NTNG2: variants seen among roughly 807,000 people sequenced by gnomAD.
The protein encoded by NTNG2 is netrin G2.
A neutral mutation model predicts 47.6 loss-of-function variants in NTNG2; 15 were observed. The observed-to-expected ratio is 0.32, with a 90% confidence interval of 0.21 to 0.49. NTNG2 has a LOEUF of 0.49. Among genes scored for constraint, NTNG2 ranks in the 20% least tolerant of loss-of-function variants. NTNG2 has a pLI of 0.99. For synonymous variants in NTNG2, 307 were observed against 324.6 expected (o/e 0.95, Z 0.58); for missense variants, 578 against 764.6 (o/e 0.76, Z 2.88).
intron 4 of NTNG2, among the ~76,000 whole-genome samples, chr9:132,228,070 G>T (rs1023422053): frequency 3.3e-5 from 5 of 152,256 alleles, no homozygotes; most frequent in African/African-American, 4.8e-5. Context: ...GCCCTCCCAG[G>T]TTTCACAGTG....
intron 2 of NTNG2, among the ~76,000 whole-genome samples, chr9:132,176,976 T>C (rs1589382225): frequency 6.6e-6 from 1 of 152,310 alleles, no homozygotes; most frequent in East Asian, 1.9e-4. Context: ...CTTAGTCATT[T>C]TTTTGTTTTT....
intron 7 of NTNG2, 96 bp from the exon 8 acceptor site, chr9:132,241,780 C>T: frequency 4.5e-6 from 4 of 897,308 alleles, no homozygotes; most frequent in Non-Finnish European, 6.4e-6. Flanking sequence ...GCCCAGACGG[C>T]GCCCCCGGGA....
intron 2 of NTNG2, among the ~76,000 whole-genome samples, chr9:132,195,620 C>T (rs1838251174): frequency 6.6e-6 from 1 of 151,678 alleles, no homozygotes; most frequent in African/African-American, 2.4e-5. Context: ...AGCCACCGCG[C>T]CTGGCCTTTG....
chr9:132,169,155 G>A (rs1564379326), intron 2 of NTNG2, among the ~76,000 whole-genome samples: 1 of 152,236 alleles, frequency 6.6e-6, no homozygotes, highest in African/African-American at 2.4e-5. Flanking sequence ...AGGTGGGGAA[G>A]GCAGGGGAGA....
intron 2 of NTNG2, among the ~76,000 whole-genome samples, chr9:132,178,313 C>T (rs1471120476): frequency 1.3e-5 from 2 of 152,168 alleles, no homozygotes; most frequent in African/African-American, 4.8e-5. Context: ...ACCTCCTCAG[C>T]CTCCAGTCCA....
chr9:132,242,915 A>C lies in NTNG2; in HGVS notation c.*804A>C, dbSNP rs1842070513. On this transcript the variant is annotated 3_prime_UTR_variant, in exon 8 of 8. Coordinates refer to ENST00000393229, the MANE Select transcript of NTNG2 (RefSeq NM_032536.4). This position sits in a 1 kb window ranked among gnomAD's most constrained non-coding sequence, Gnocchi z 5.9. ...AGGAATCCACAACACAGCCTTAAAG[A>C]AACGGTTTCCCTACTGGGGCCACCA... The C allele has an allele frequency of 6.6e-6, 1 of 152,136 alleles. No homozygotes were observed. The highest frequency in any genetic ancestry group is 2.1e-4 in the South Asian group (1 of 4,834). The allele number at this position is 152,136 out of a possible 1,614,324, so 9.4% of individuals were successfully genotyped here. A position where few individuals can be genotyped will look rare whatever the true frequency, so the allele number is the denominator to read the frequency against.
chr9:132,221,372 G>T lies in NTNG2; in HGVS notation c.858-5477G>T, dbSNP rs1197181701. On this transcript the variant is annotated intron_variant, in intron 3 of 7. Transcript: ENST00000393229. This position sits in a 1 kb window ranked among gnomAD's most constrained non-coding sequence, Gnocchi z 4.2. ...ACATGGAGAGAGGGGCACTGAGAGA[G>T]CCAGAGAGGCCAAGAGGTCATACAC... 7.2e-5 allele frequency among the ~76,000 whole-genome samples: 11 copies of T among 152,196 alleles called. No homozygotes were observed. In the South Asian group the frequency reaches 1.7e-3, roughly 23 times the overall value.
Position 132,231,831 on chromosome 9 carries a change from C to T in NTNG2, c.1054+1236C>T, listed in dbSNP as rs973340699. 2 of 159,568 alleles carry T rather than the reference C, an allele frequency of 1.3e-5. No homozygotes were observed. The highest frequency in any genetic ancestry group is 5.9e-5 in the Admixed American group (1 of 16,816). The allele number at this position is 159,568 out of a possible 1,614,324, so 9.9% of individuals were successfully genotyped here. Reference sequence around the variant, plus strand: ...AGCGACCCCTGTCATCCCACCCTCTCCTGCTTCTAGCCTGGGTCCCTGCCT... The same window carrying T: ...AGCGACCCCTGTCATCCCACCCTCTTCTGCTTCTAGCCTGGGTCCCTGCCT... On this transcript the variant is annotated intron_variant, in intron 5 of 7. Coordinates refer to ENST00000393229, the MANE Select transcript of NTNG2 (RefSeq NM_032536.4). This position sits in a 1 kb window ranked among gnomAD's most constrained non-coding sequence, Gnocchi z 4.1.
intron 2 of NTNG2, among the ~76,000 whole-genome samples, chr9:132,170,284 T>A (rs1320603220): frequency 1.3e-5 from 2 of 152,128 alleles, no homozygotes; most frequent in African/African-American, 4.8e-5. Context: ...AAAGACAAGA[T>A]AAATGAATAA....
At chr9:132,239,411 G>T (rs2131042623) in intron 6 of NTNG2, 140 bp downstream of exon 6, 1 of 767,484 alleles carries the variant, frequency 1.3e-6, no homozygotes, top group Admixed American at 2.7e-5. Flanking sequence ...GCCCTCTCCA[G>T]TTGAGCATCT....
chr9:132,224,347 C>G (rs1840575209), intron 3 of NTNG2, among the ~76,000 whole-genome samples: 1 of 152,194 alleles, frequency 6.6e-6, no homozygotes. Context: ...AGGACTCACT[C>G]TGTGTTGGAC....
intron 2 of NTNG2, among the ~76,000 whole-genome samples, chr9:132,196,569 T>TA (rs1295086889): frequency 6.6e-6 from 1 of 152,202 alleles, no homozygotes; most frequent in Non-Finnish European, 1.5e-5. Context: ...CTCACTGTCC[T>TA]AAAAATGCCC....
intron 6 of NTNG2, among the ~76,000 whole-genome samples, chr9:132,239,677 T>C (rs1332527439): frequency 1.3e-5 from 2 of 152,104 alleles, no homozygotes; most frequent in East Asian, 3.9e-4. Context: ...TCCAGAAAGG[T>C]GGAGGAGCAG....
At chr9:132,195,474 ATTTTTTTTTTTT>A (rs56733654) in intron 2 of NTNG2, among the ~76,000 whole-genome samples, 2 of 80,118 alleles carry the variant, frequency 2.5e-5, no homozygotes, top group South Asian at 4.3e-4. Context: ...ACGCCTGGCT[ATTTTTTTTTTTT>A]TTTTTTTTTT....
chr9:132,242,005 A>G lies in NTNG2; in HGVS notation c.1487A>G (p.Asp496Gly), dbSNP rs1357962969. Residue 496 changes from aspartate to glycine, a missense_variant, in exon 8 of 8, where the codon GAT becomes GGT. Transcript: ENST00000393229. The surrounding 1 kb of genome is among the most constrained non-coding windows in gnomAD (Gnocchi z 5.9). ...CAGCCCCGCTGCGACCCCGCCGACG[A>G]TGACGGCGGTCTGGACTGCGACCGC... The part of the protein sequence containing the change: ...CEQPRCDPAD[D>G]DGGLDCDRAP... 1 of 1,473,116 alleles carries G rather than the reference A, an allele frequency of 6.8e-7. No homozygotes were observed. The highest frequency in any genetic ancestry group is 1.3e-5 in the South Asian group (1 of 78,010). 91.3% of individuals were successfully genotyped at this position (1,473,116 alleles called of 1,614,324 possible).
At chr9:132,240,583 T>C (rs920130301) in intron 6 of NTNG2, 10 of 447,834 alleles carry the variant, frequency 2.2e-5, no homozygotes, top group African/African-American at 1.8e-4. Flanking sequence ...GTCGGAGTCA[T>C]AGCTCTTTGG....
At chr9:132,223,810 A>G (rs1171791285) in intron 3 of NTNG2, among the ~76,000 whole-genome samples, 3 of 152,180 alleles carry the variant, frequency 2.0e-5, no homozygotes, top group African/African-American at 7.2e-5. Context: ...GTCTCCATGA[A>G]GCAGCCACAG....
intron 3 of NTNG2, among the ~76,000 whole-genome samples, chr9:132,209,435 C>T (rs1433462446): frequency 1.3e-5 from 2 of 152,172 alleles, no homozygotes. Flanking sequence ...TGGGGGCGTG[C>T]GAGACTTCCG....
chr9:132,201,225 C>T (rs1451384063), intron 3 of NTNG2, among the ~76,000 whole-genome samples: 1 of 152,264 alleles, frequency 6.6e-6, no homozygotes, highest in Non-Finnish European at 1.5e-5. Flanking sequence ...TGCCTCTCTG[C>T]ATCCTGCCTT....
Sources: allele counts gnomAD v4.1 joint callset (sites outside exome capture counted in the v4.1 genomes callset), GRCh38; gene constraint gnomAD v4.1.1; non-coding constraint Gnocchi (gnomAD v3.1); transcripts MANE v1.5; gene names NCBI Gene and HGNC (gene_info 2026-07-23, HGNC 2026-07-21).